The following NLRP13 variants were observed in gnomAD, a reference collection of about 807,000 sequenced individuals.
The protein encoded by NLRP13 is NACHT, LRR and PYD domains-containing protein 13.
In NLRP13, 82 loss-of-function variants were observed where a neutral mutation model predicts 94.4. That is an observed-to-expected ratio of 0.87 (90% CI 0.73 to 1.04). The LOEUF (loss-of-function observed/expected upper bound fraction) is 1.04, where lower values mean the gene tolerates loss of function less well. Among genes scored for constraint, NLRP13 ranks in the 50% least tolerant of loss-of-function variants. The pLI is 0.00. For missense variants in NLRP13, 1,426 were observed against 1,230.8 expected (o/e 1.16, Z -2.37); for synonymous variants, 553 against 464.7 (o/e 1.19, Z -2.45).
chr19:55,892,412 TACACAC>T (rs1166144854), downstream of NLRP13, among the ~76,000 whole-genome samples: 3 of 151,792 alleles, frequency 2.0e-5, no homozygotes, highest in Non-Finnish European at 4.4e-5. Flanking sequence ...TTCATATACA[TACACAC>T]ATACACATAT....
At chr19:55,909,857 C>G (rs934829642) in intron 6 of NLRP13, among the ~76,000 whole-genome samples, 2 of 151,946 alleles carry the variant, frequency 1.3e-5, no homozygotes, top group African/African-American at 4.8e-5. Flanking sequence ...CCCCAGGTAT[C>G]CATGGGCACA....
chr19:55,895,691 T>A (rs113255119), downstream of NLRP13, among the ~76,000 whole-genome samples: 210 of 151,792 alleles, frequency 1.4e-3, 1 homozygote, highest in African/African-American at 4.7e-3. Flanking sequence ...TCAAAAAAGG[T>A]GAAAGAAAAA....
rs200519393 is a variant in NLRP13 at position 55,907,855 on chromosome 19, C to T, written c.2384G>A (p.Gly795Glu). The T allele has an allele frequency of 1.5e-5, 25 of 1,613,858 alleles. No individual in the cohort carries two copies. Among genetic ancestry groups the T allele is most frequent in the Non-Finnish European group, 2.0e-5 (24 of 1,179,914 alleles). Residue 795 changes from glycine to glutamate, a missense_variant, in exon 7 of 11, where the codon GGA becomes GAA. Physicochemically the swap from Gly to Glu is moderately conservative, Grantham distance 98. Coordinates refer to ENST00000342929, the MANE Select transcript of NLRP13 (RefSeq NM_176810.2). ...THLNFSSNKL[G>E]MTVPLILKAL... ...TTTAAGAATCAGGGGGACAGTCATT[C>T]CCAGCTTGTTAGAGCTGAAGTTCAG... is the stretch of plus-strand genomic sequence containing the variant.
downstream of NLRP13, chr19:55,895,823 G>A: frequency 9.3e-7 from 1 of 1,073,704 alleles, no homozygotes; most frequent in Non-Finnish European, 1.4e-6. Flanking sequence ...CTTACTGGAA[G>A]TTCCGTTGGC....
At chr19:55,902,606 G>T (rs1461892088) in intron 8 of NLRP13, among the ~76,000 whole-genome samples, 1 of 152,140 alleles carries the variant, frequency 6.6e-6, no homozygotes, top group African/African-American at 2.4e-5. Context: ...AGTGCAGTAG[G>T]ATGGTCTGGC....
intron 6 of NLRP13, 39 bp from the exon 7 acceptor site, chr19:55,907,995 G>A: frequency 6.4e-7 from 1 of 1,560,992 alleles, no homozygotes; most frequent in Non-Finnish European, 8.7e-7. Context: ...GATTGGGGGA[G>A]AAGACTGGTT....
Position 55,931,718 on chromosome 19 carries a change from A to AGACAGAAAGAAAGAAAG in NLRP13, c.319+274_319+275insCTTTCTTTCTTTCTGTC. 9.7e-3 allele frequency among the ~76,000 whole-genome samples: 911 copies of AGACAGAAAGAAAGAAAG among 94,290 alleles called. 25 individuals are homozygous for AGACAGAAAGAAAGAAAG. Among genetic ancestry groups the AGACAGAAAGAAAGAAAG allele is most frequent in the Non-Finnish European group, 0.011 (532 of 47,490 alleles). The allele number at this position is 94,290 out of a possible 152,430, so 61.9% of individuals were successfully genotyped here. The stretch of plus-strand genomic sequence containing the variant: ...AGTGGAGACTCAGGCTCAAAAAAAA[A>AGACAGAAAGAAAGAAAG]AAAAAAAGAAAGAAAGAAAGAAAGA... On this transcript the variant is annotated intron_variant, in intron 1 of 10. Coordinates refer to ENST00000342929, the MANE Select transcript of NLRP13 (RefSeq NM_176810.2).
chr19:55,926,606 T>C (rs1382043344), intron 1 of NLRP13, among the ~76,000 whole-genome samples: 1 of 152,164 alleles, frequency 6.6e-6, no homozygotes, highest in Admixed American at 6.5e-5. Flanking sequence ...ATCCTAATCC[T>C]AGCAACCCCT....
downstream of NLRP13, among the ~76,000 whole-genome samples, chr19:55,894,043 C>CT (rs36039690): frequency 0.66 from 74,672 of 112,862 alleles, 26,484 homozygotes; most frequent in East Asian, 0.93. Context: ...CATGCCCCAA[C>CT]TTTTTTTTTT....
At chr19:55,909,132 A>G (rs1986434385) in intron 6 of NLRP13, among the ~76,000 whole-genome samples, 1 of 152,224 alleles carries the variant, frequency 6.6e-6, no homozygotes, top group Non-Finnish European at 1.5e-5. Context: ...ACACCAGATC[A>G]TTCAAACAAA....
At chr19:55,902,950 A>C (rs1485836002) in intron 8 of NLRP13, among the ~76,000 whole-genome samples, 1 of 2,412 alleles carries the variant, frequency 4.1e-4, no homozygotes, top group Non-Finnish European at 8.3e-4. Flanking sequence ...AAATTATAAC[A>C]ACTAATTGTT....
At chr19:55,923,864 A>T in intron 4 of NLRP13, 50 bp downstream of exon 4, 1 of 1,382,480 alleles carries the variant, frequency 7.2e-7, no homozygotes, top group Non-Finnish European at 1.0e-6. Flanking sequence ...TAGTGAAACC[A>T]ATGCTCGTCA....
chr19:55,903,055 T>C (rs1986233441), intron 8 of NLRP13, among the ~76,000 whole-genome samples: 4 of 151,658 alleles, frequency 2.6e-5, no homozygotes, highest in African/African-American at 9.7e-5. Context: ...TGTTACAATG[T>C]GTAGAATTAT....
intron 10 of NLRP13, 100 bp downstream of exon 10, chr19:55,898,670 A>T: frequency 8.1e-7 from 1 of 1,241,492 alleles, no homozygotes; most frequent in Non-Finnish European, 1.1e-6. Context: ...GCTTGTCCTT[A>T]CTTTGCCTCA....
rs371490465 is a variant in NLRP13 at position 55,913,187 on chromosome 19, G to A, written c.630C>T (p.Asp210=). 72 of 1,614,050 alleles carry A rather than the reference G, an allele frequency of 4.5e-5. No individual in the cohort carries two copies. The East Asian group carries it at 4.7e-4, about 10-fold the overall frequency. Residue 210 remains aspartate, a synonymous_variant, in exon 5 of 11, where the codon GAC becomes GAT. Transcript: ENST00000342929. ...GTAGGCGCTGCAGTTCCTCATGTTC[G>A]TCCTTTGATGTATTACGGATATATA... ...DHVYIRNTSK[D]EHEELQRLLD... is the part of the protein sequence containing the mutation.
At chr19:55,895,932 A>G, downstream of NLRP13, 1 of 1,612,604 alleles carries the variant, frequency 6.2e-7, no homozygotes, top group Non-Finnish European at 8.5e-7. Flanking sequence ...CCCTGCAGAA[A>G]AGTCAGTGAG....
intron 5 of NLRP13, 84 bp downstream of exon 5, chr19:55,911,622 C>T: frequency 7.8e-7 from 1 of 1,281,756 alleles, no homozygotes; most frequent in East Asian, 2.3e-5. Context: ...AACGACAACA[C>T]ATCCCTGGTT....
chr19:55,899,627 A>C (rs555739886), intron 9 of NLRP13, among the ~76,000 whole-genome samples: 2 of 152,152 alleles, frequency 1.3e-5, no homozygotes, highest in Admixed American at 6.5e-5. Context: ...TAAAAATACA[A>C]GAATTATCCA....
chr19:55,924,742 A>G (rs1986926868), intron 2 of NLRP13, 84 bp from the exon 3 acceptor site: 1 of 1,214,218 alleles, frequency 8.2e-7, no homozygotes, highest in Admixed American at 1.7e-5. Context: ...AGTAGAACCA[A>G]CTTTTTCTAT....
Sources: gnomAD v4.1 joint callset for allele counts (sites outside exome capture counted in the v4.1 genomes callset) on GRCh38, gnomAD v4.1.1 for gene constraint, MANE v1.5 for transcripts, NCBI Gene and HGNC (gene_info 2026-07-23, HGNC 2026-07-21) for gene names.